Variants in CD163L1 observed in about 807,000 individuals in gnomAD.
CD163L1 encodes CD163 molecule like 1, also known as scavenger receptor cysteine-rich type 1 protein M160.
In CD163L1, 124 loss-of-function variants were observed where a neutral mutation model predicts 165.4. The ratio of observed to expected loss-of-function variants is 0.75; its 90% CI spans 0.65 to 0.87. The LOEUF (loss-of-function observed/expected upper bound fraction) is 0.87. Among genes scored for constraint, CD163L1 ranks in the 40% least tolerant of loss-of-function variants. The probability of loss-of-function intolerance (pLI) is 0.00; values close to 1 mark genes in which losing one functional copy is unlikely to be tolerated. For synonymous variants in CD163L1, 585 were observed against 662.2 expected (o/e 0.88, Z 1.79); for missense variants, 1,525 against 1,799.9 (o/e 0.85, Z 2.76).
At chr12:7,383,495 A>T (rs760200554) in intron 8 of CD163L1, among the ~76,000 whole-genome samples, 62 of 152,010 alleles carry the variant, frequency 4.1e-4, no homozygotes, top group African/African-American at 1.4e-3. Context: ...GCCACCTGGA[A>T]GCCCAAGAAT....
chr12:7,412,273 G>A (rs1948152140), intron 4 of CD163L1, among the ~76,000 whole-genome samples: 1 of 152,062 alleles, frequency 6.6e-6, no homozygotes, highest in South Asian at 2.1e-4. Context: ...AAATCTTTTG[G>A]CTGAAACTTT....
intron 6 of CD163L1, among the ~76,000 whole-genome samples, chr12:7,402,700 A>G (rs1565797611): frequency 1.3e-5 from 2 of 151,848 alleles, no homozygotes; most frequent in African/African-American, 4.8e-5. Flanking sequence ...CAGTGACCCA[A>G]TCACGGCTCA....
chr12:7,362,485 G>A (rs1565771289), intron 18 of CD163L1, among the ~76,000 whole-genome samples: 1 of 138,704 alleles, frequency 7.2e-6, no homozygotes, highest in South Asian at 2.2e-4. Flanking sequence ...CTGTAAGATA[G>A]TATATATTAA....
At chr12:7,391,980 C>T (rs1160187798) in intron 8 of CD163L1, among the ~76,000 whole-genome samples, 1 of 147,184 alleles carries the variant, frequency 6.8e-6, no homozygotes, top group African/African-American at 2.7e-5. Context: ...TAATGGGAGA[C>T]TTTAACACCC....
At chr12:7,421,049 G>GTATATA (rs1198584213) in intron 4 of CD163L1, among the ~76,000 whole-genome samples, 1 of 71,594 alleles carries the variant, frequency 1.4e-5, no homozygotes, top group Non-Finnish European at 2.2e-5. Flanking sequence ...GTATATATAT[G>GTATATA]TATATACGTA....
intron 18 of CD163L1, among the ~76,000 whole-genome samples, chr12:7,362,076 T>G (rs1018985203): frequency 1.3e-5 from 2 of 149,678 alleles, no homozygotes; most frequent in African/African-American, 2.4e-5. Context: ...CATTCCATTG[T>G]ATATATACAC....
chr12:7,380,918 C>T (rs1947393437), intron 8 of CD163L1, among the ~76,000 whole-genome samples: 1 of 152,076 alleles, frequency 6.6e-6, no homozygotes. Flanking sequence ...AGAAAGGTTA[C>T]TTTATCTTTT....
chr12:7,413,090 T>C (rs771941761), intron 4 of CD163L1, among the ~76,000 whole-genome samples: 6 of 45,254 alleles, frequency 1.3e-4, no homozygotes, highest in Admixed American at 6.6e-4. Context: ...AGACTCCATC[T>C]CAAAAAAAAA....
intron 8 of CD163L1, among the ~76,000 whole-genome samples, chr12:7,391,767 T>C (rs1947659409): frequency 6.6e-6 from 1 of 152,148 alleles, no homozygotes; most frequent in South Asian, 2.1e-4. Flanking sequence ...GAGCAGGGGT[T>C]GTAATCCTAG....
rs144407415 is a variant in CD163L1 at position 7,371,447 on chromosome 12, A to G, written c.3731-1782T>C. Among the ~76,000 whole-genome samples, 1,137 of 152,294 alleles carry G rather than the reference A, an allele frequency of 7.5e-3. 13 individuals are homozygous for G. Among genetic ancestry groups the G allele is most frequent in the African/African-American group, 0.026 (1,091 of 41,564 alleles). The stretch of plus-strand genomic sequence containing the variant: ...AGAATTCATCCTAGTTTATATTTCA[A>G]CAAATCTCCAATGCTAATATCAACA... On this transcript the variant is annotated intron_variant, in intron 14 of 19. Coordinates refer to ENST00000313599, the MANE Select transcript of CD163L1 (RefSeq NM_174941.6).
the CD163L1 span, among the ~76,000 whole-genome samples, chr12:7,334,433 T>C: frequency 6.6e-6 from 1 of 152,108 alleles, no homozygotes; most frequent in Non-Finnish European, 1.5e-5. Flanking sequence ...CTTGACAAAA[T>C]TCAACAACCC....
intron 6 of CD163L1, among the ~76,000 whole-genome samples, chr12:7,402,879 T>A (rs936514888): frequency 1.3e-5 from 2 of 152,154 alleles, no homozygotes; most frequent in African/African-American, 4.8e-5. Context: ...GTGATCTTCC[T>A]GTGGTAGTCT....
At chr12:7,384,133 A>G (rs1947466885) in intron 8 of CD163L1, among the ~76,000 whole-genome samples, 1 of 152,126 alleles carries the variant, frequency 6.6e-6, no homozygotes, top group Admixed American at 6.5e-5. Context: ...AAAAGAAACA[A>G]ACAGAAATCA....
chr12:7,413,682 AAGAT>A, intron 4 of CD163L1, among the ~76,000 whole-genome samples: 1 of 152,218 alleles, frequency 6.6e-6, no homozygotes. Context: ...CAGCACATGC[AAGAT>A]CCTCAGACGG....
At chr12:7,332,702 GA>G in the CD163L1 span, among the ~76,000 whole-genome samples, 1 of 152,282 alleles carries the variant, frequency 6.6e-6, no homozygotes, top group East Asian at 1.9e-4. Context: ...AAGTGAAGGA[GA>G]AATAAAATAC....
At chr12:7,411,679 G>C (rs1388468759) in intron 4 of CD163L1, among the ~76,000 whole-genome samples, 2 of 152,238 alleles carry the variant, frequency 1.3e-5, no homozygotes, top group African/African-American at 4.8e-5. Flanking sequence ...ACAGCCTGCA[G>C]AACCATGAAC....
At chr12:7,405,863 G>A (rs919261253) in intron 5 of CD163L1, among the ~76,000 whole-genome samples, 1 of 152,166 alleles carries the variant, frequency 6.6e-6, no homozygotes, top group Admixed American at 6.6e-5. Flanking sequence ...CTTATTAAGA[G>A]AGTGAACAGG....
At chr12:7,350,130 T>C (rs887740998), downstream of CD163L1, among the ~76,000 whole-genome samples, 1 of 152,134 alleles carries the variant, frequency 6.6e-6, no homozygotes, top group African/African-American at 2.4e-5. Context: ...AGCAAATAAA[T>C]GTATGGTCCT....
the CD163L1 span, chr12:7,328,461 A>G: frequency 9.9e-7 from 1 of 1,008,830 alleles, no homozygotes; most frequent in South Asian, 2.0e-5. Context: ...CTCTCTTAAA[A>G]TGTTTAAGAT....
Sources: allele counts gnomAD v4.1 joint callset (sites outside exome capture counted in the v4.1 genomes callset), GRCh38; gene constraint gnomAD v4.1.1; transcripts MANE v1.5; gene names NCBI Gene and HGNC (gene_info 2026-07-23, HGNC 2026-07-21).